The following MSRB1 variants were observed in gnomAD, a reference collection of about 807,000 sequenced individuals.
MSRB1 encodes the protein methionine sulfoxide reductase B1.
A neutral mutation model predicts 15.2 loss-of-function variants in MSRB1; 13 were observed. That is an observed-to-expected ratio of 0.86 (90% CI 0.56 to 1.36). MSRB1 has a LOEUF of 1.36. Among genes scored for constraint, MSRB1 ranks in the 40% most tolerant of loss-of-function variants. MSRB1 has a pLI of 0.00. For synonymous variants in MSRB1, 68 were observed against 64.5 expected (o/e 1.05, Z -0.26); for missense variants, 174 against 155.9 (o/e 1.12, Z -0.62).
rs945825501 is a variant in MSRB1, at chr16:1,939,085, C to T, written c.*27G>A. 1.2e-5 allele frequency: 20 copies of T among 1,612,518 alleles called. No homozygotes were observed. Among genetic ancestry groups the T allele is most frequent in the African/African-American group, 4.0e-5 (3 of 74,816 alleles). ...CAACGTGTGGCCTCAGTGTGGTGGCCGTCTGGGGTGGGTGTGGGCTGCCCG... is the reference window on the plus strand; with the variant it reads ...CAACGTGTGGCCTCAGTGTGGTGGCTGTCTGGGGTGGGTGTGGGCTGCCCG... On this transcript the variant is annotated 3_prime_UTR_variant, in exon 4 of 4. Transcript: ENST00000361871.
chr16:1,941,547 G>T, intron 1 of MSRB1, 142 bp from the exon 2 acceptor site: 5 of 1,186,920 alleles, frequency 4.2e-6, no homozygotes, highest in Non-Finnish European at 5.8e-6. Context: ...CACCCGCCAC[G>T]GGAGGCGCTG....
intron 1 of MSRB1, 79 bp downstream of exon 1, chr16:1,943,023 C>G (rs939706366): frequency 7.8e-6 from 12 of 1,530,942 alleles, no homozygotes; most frequent in Non-Finnish European, 9.7e-6. Flanking sequence ...AGAGACATCA[C>G]CCCCGGACGA....
intron 3 of MSRB1, 143 bp from the exon 4 acceptor site, chr16:1,939,286 C>G (rs565069274): frequency 2.2e-6 from 2 of 927,466 alleles, no homozygotes; most frequent in Admixed American, 3.0e-5. Flanking sequence ...CCGTTCCCTG[C>G]GCTTTCACAC....
At chr16:1,941,520 T>C in intron 1 of MSRB1, 115 bp from the exon 2 acceptor site, 1 of 1,401,910 alleles carries the variant, frequency 7.1e-7, no homozygotes, top group East Asian at 2.5e-5. Flanking sequence ...GAGGGTAGGC[T>C]GTGCTCCTTC....
intron 3 of MSRB1, 25 bp from the exon 4 acceptor site, chr16:1,939,168 A>C (rs1463385989): frequency 6.3e-7 from 1 of 1,599,324 alleles, no homozygotes; most frequent in Non-Finnish European, 8.5e-7. Context: ...AGGGGGCGGA[A>C]AGTATGCGGG....
Position 1,941,276 on chromosome 16 carries a change from T to C in MSRB1, c.185A>G (p.Asn62Ser), listed in dbSNP as rs201010715. The change falls in exon 2 of 4, where the codon AAT becomes AGT. Residue 62 changes from asparagine to serine, a missense_variant. Physicochemically the swap from Asn to Ser is conservative, Grantham distance 46 (BLOSUM62 1). Transcript: ENST00000361871. Reference sequence around the variant, plus strand: ...TCTCACCTTCAAGGCTTCAGATCTATTGTGCTCCGGACGCTTGGCCACGCT... The same window carrying C: ...TCTCACCTTCAAGGCTTCAGATCTACTGTGCTCCGGACGCTTGGCCACGCT... ...ADSVAKRPEH[N>S]RSEALKVSCG... is the part of the protein sequence containing the mutation. The C allele has an allele frequency of 3.7e-4, 597 of 1,612,878 alleles. 5 individuals are homozygous for C. Among genetic ancestry groups the C allele is most frequent in the South Asian group, 3.3e-3 (301 of 91,026 alleles).
At chr16:1,939,434 TAAC>T (rs1020214049) in intron 3 of MSRB1, among the ~76,000 whole-genome samples, 6 of 151,992 alleles carry the variant, frequency 3.9e-5, no homozygotes, top group South Asian at 2.1e-4. Context: ...GGAGGACAAA[TAAC>T]AACAAAAGGA....
intron 1 of MSRB1, 60 bp from the exon 2 acceptor site, chr16:1,941,465 T>A: frequency 1.3e-6 from 2 of 1,521,110 alleles, no homozygotes; most frequent in Non-Finnish European, 1.8e-6. Flanking sequence ...GGGGTCAAGC[T>A]CCCAAATCCA....
chr16:1,939,196 G>C (rs1001327302), intron 3 of MSRB1, 53 bp from the exon 4 acceptor site: 43 of 1,576,182 alleles, frequency 2.7e-5, no homozygotes, highest in Non-Finnish European at 3.4e-5. Flanking sequence ...AGCAAGCAGG[G>C]GCGGAAAGCC....
intron 1 of MSRB1, among the ~76,000 whole-genome samples, chr16:1,942,869 C>T (rs2083087911): frequency 6.6e-6 from 1 of 152,120 alleles, no homozygotes; most frequent in African/African-American, 2.4e-5. Context: ...CGAGGCCTGC[C>T]CCCTCCAGGA....
At chr16:1,939,294 C>G (rs2083060137) in intron 3 of MSRB1, 151 bp from the exon 4 acceptor site, 2 of 911,992 alleles carry the variant, frequency 2.2e-6, no homozygotes, top group Non-Finnish European at 3.2e-6. Flanking sequence ...TGCGCTTTCA[C>G]ACTCTGCCCT....
At chr16:1,940,271 A>AG (rs2083067593) in intron 3 of MSRB1, among the ~76,000 whole-genome samples, 1 of 151,260 alleles carries the variant, frequency 6.6e-6, no homozygotes, top group Non-Finnish European at 1.5e-5. Flanking sequence ...ACTCCATCTC[A>AG]GAAAAAAAAA....
At position 1,938,656 on chromosome 16, in the gene MSRB1, C is replaced by T. The variant is rs901431562; in HGVS notation, c.*456G>A. On this transcript the variant is annotated 3_prime_UTR_variant, in exon 4 of 4. Transcript: ENST00000361871. The stretch of plus-strand genomic sequence containing the variant: ...CCAGGGCCAGGGCGGCTGGCAGGGG[C>T]GGCCTCCGTTTCCATTCTGTCTCCT... 7.2e-5 allele frequency: 15 copies of T among 207,472 alleles called. No homozygotes were observed. The East Asian group carries it at 2.1e-3, about 28-fold the overall frequency. 12.9% of individuals were successfully genotyped at this position (207,472 alleles called of 1,614,324 possible).
rs562170148 is a variant in MSRB1 at position 1,941,028 on chromosome 16, C to T, written c.205-136G>A. The T allele has an allele frequency of 5.2e-5, 81 of 1,553,892 alleles. No homozygotes were observed. In the South Asian group the frequency reaches 9.4e-4, roughly 18 times the overall value. ...GCTGACCGCCGACATAAGAGGTTGA[C>T]CTTTGTCCTGGAGCCCGTACAGGAA... On this transcript the variant is annotated intron_variant, in intron 2 of 3. Transcript: ENST00000361871.
intron 3 of MSRB1, among the ~76,000 whole-genome samples, chr16:1,940,207 G>A (rs1200879790): frequency 6.6e-6 from 1 of 151,856 alleles, no homozygotes; most frequent in African/African-American, 2.4e-5. Flanking sequence ...GGAGGCAGAG[G>A]TTGCAGTGAG....
At chr16:1,940,035 G>A (rs2083066318) in intron 3 of MSRB1, among the ~76,000 whole-genome samples, 1 of 151,868 alleles carries the variant, frequency 6.6e-6, no homozygotes, top group Non-Finnish European at 1.5e-5. Context: ...ACTTTGAGAG[G>A]CCAAGGTGGG....
rs757878568 is a variant in MSRB1 at position 1,941,257 on chromosome 16, C to T, written c.204G>A (p.Lys68=). The part of the protein sequence containing the change: ...RPEHNRSEAL[K]VSCGKCGNGL... ...CTCCCCCACCCCTGTGGCCTCTCAC[C>T]TTCAAGGCTTCAGATCTATTGTGCT... The change falls in exon 2 of 4, where the codon AAG becomes AAA. Residue 68 remains lysine (K), a splice_region_variant and synonymous_variant. Transcript: ENST00000361871. 2.7e-5 allele frequency: 43 copies of T among 1,613,706 alleles called. No individual in the cohort carries two copies. Among genetic ancestry groups the T allele is most frequent in the Non-Finnish European group, 3.3e-5 (39 of 1,180,020 alleles).
Position 1,939,036 on chromosome 16 carries a change from G to A in MSRB1, c.*76C>T, listed in dbSNP as rs2083057280. ...CTGCCTTCCTGTCTCGACGCCCAGG[G>A]TTCCAACTCCAAGGTGGAATGGCCA... On this transcript the variant is annotated 3_prime_UTR_variant, in exon 4 of 4. Transcript: ENST00000361871. 1 of 1,566,462 alleles carries A rather than the reference G, an allele frequency of 6.4e-7. No individual in the cohort carries two copies. Among genetic ancestry groups the A allele is most frequent in the Admixed American group, 1.7e-5 (1 of 57,852 alleles).
intron 3 of MSRB1, among the ~76,000 whole-genome samples, chr16:1,940,334 C>A (rs1244195704): frequency 6.6e-6 from 1 of 151,914 alleles, no homozygotes; most frequent in African/African-American, 2.4e-5. Flanking sequence ...CCCAGGTGCA[C>A]GTGACACGCA....
Sources: allele counts gnomAD v4.1 joint callset (sites outside exome capture counted in the v4.1 genomes callset), GRCh38; gene constraint gnomAD v4.1.1; transcripts MANE v1.5; gene names NCBI Gene and HGNC (gene_info 2026-07-23, HGNC 2026-07-21).